TERB1: variants seen among roughly 807,000 people sequenced by gnomAD.
TERB1 encodes telomere repeat binding bouquet formation protein 1.
A neutral mutation model predicts 92.3 loss-of-function variants in TERB1; 63 were observed. The ratio of observed to expected loss-of-function variants is 0.68; its 90% confidence interval spans 0.56 to 0.84. The LOEUF is 0.84. Among genes scored for constraint, TERB1 ranks in the 40% least tolerant of loss-of-function variants. The pLI is 0.00. For missense variants in TERB1, 709 were observed against 843.7 expected, an observed-to-expected ratio of 0.84 and a Z score of 1.98; for synonymous variants, 252 against 283.9, an observed-to-expected ratio of 0.89 and a Z score of 1.13.
intron 3 of TERB1, 22 bp downstream of exon 3, chr16:66,796,746 A>T: frequency 6.6e-7 from 1 of 1,505,208 alleles, no homozygotes; most frequent in Non-Finnish European, 9.0e-7. Flanking sequence ...CATTGCAGAT[A>T]TATGATCCAT....
intron 18 of TERB1, 37 bp downstream of exon 18, chr16:66,758,736 G>T: frequency 7.6e-7 from 1 of 1,309,648 alleles, no homozygotes. Context: ...GCCAGACCCT[G>T]TCTCAAGAAA....
At chr16:66,757,071 TA>T (rs993967383) in intron 18 of TERB1, among the ~76,000 whole-genome samples, 5 of 152,104 alleles carry the variant, frequency 3.3e-5, no homozygotes, top group Middle Eastern at 3.4e-3. Context: ...GTGAGTATCC[TA>T]AAAAAAGGTT....
chr16:66,783,729 T>C (rs532712390), intron 9 of TERB1, among the ~76,000 whole-genome samples: 1 of 152,272 alleles, frequency 6.6e-6, no homozygotes, highest in East Asian at 1.9e-4. Flanking sequence ...TTGTTGTTGT[T>C]GTTGTTGTTG....
At chr16:66,764,844 G>T (rs937615885) in intron 16 of TERB1, among the ~76,000 whole-genome samples, 1 of 152,154 alleles carries the variant, frequency 6.6e-6, no homozygotes, top group Admixed American at 6.5e-5. Context: ...GTTGTGTTTA[G>T]GATACATTAA....
At chr16:66,784,084 C>G (rs1398419986) in intron 9 of TERB1, among the ~76,000 whole-genome samples, 2 of 152,160 alleles carry the variant, frequency 1.3e-5, no homozygotes, top group Non-Finnish European at 2.9e-5. Flanking sequence ...CTTTTAATAT[C>G]TGTTAAGATC....
intron 9 of TERB1, among the ~76,000 whole-genome samples, chr16:66,784,339 G>GT (rs531436529): frequency 1.2e-3 from 171 of 146,500 alleles, no homozygotes; most frequent in Middle Eastern, 7.1e-3. Context: ...GGTTTTTTGT[G>GT]TTTTTTTTTT....
intron 12 of TERB1, among the ~76,000 whole-genome samples, chr16:66,774,448 G>C (rs1200834084): frequency 1.3e-5 from 2 of 151,988 alleles, no homozygotes; most frequent in Non-Finnish European, 2.9e-5. Flanking sequence ...GCCTCCCAAA[G>C]TGCTGGGATT....
intron 14 of TERB1, 111 bp from the exon 15 acceptor site, chr16:66,768,279 C>T (rs2018384392): frequency 6.5e-6 from 5 of 767,968 alleles, no homozygotes; most frequent in Admixed American, 2.6e-5. Context: ...GCAAAAGCAA[C>T]CTGGAATCAC....
chr16:66,793,469 C>T (rs557304439), intron 3 of TERB1, among the ~76,000 whole-genome samples: 2 of 151,870 alleles, frequency 1.3e-5, no homozygotes, highest in South Asian at 2.1e-4. Flanking sequence ...CCACCTGCTT[C>T]GGCCTCCCAA....
chr16:66,774,247 G>A (rs1350550401), intron 12 of TERB1, among the ~76,000 whole-genome samples: 9 of 128,422 alleles, frequency 7.0e-5, no homozygotes, highest in East Asian at 2.5e-4. Flanking sequence ...GTGCAGTGGC[G>A]CAATCTCGGC....
At chr16:66,779,475 AT>A (rs1181999012) in intron 9 of TERB1, among the ~76,000 whole-genome samples, 2 of 151,988 alleles carry the variant, frequency 1.3e-5, no homozygotes, top group Non-Finnish European at 2.9e-5. Context: ...GTGCATGCCT[AT>A]AATCTCAGTT....
chr16:66,764,954 T>C (rs957406619), intron 16 of TERB1, among the ~76,000 whole-genome samples: 34 of 152,324 alleles, frequency 2.2e-4, no homozygotes, highest in African/African-American at 7.7e-4. Context: ...AAAGTCAAGA[T>C]ACATATTTGA....
intron 6 of TERB1, 88 bp from the exon 7 acceptor site, chr16:66,786,373 T>A: frequency 1.0e-6 from 1 of 956,618 alleles, no homozygotes; most frequent in Non-Finnish European, 1.6e-6. Context: ...TTTTAATAAA[T>A]AACTTTTAAA....
In TERB1 at chr16:66,788,851, C is replaced by T. The variant is rs188254476; in HGVS notation, c.272-554G>A. On this transcript the variant is annotated intron_variant, in intron 5 of 18. Coordinates refer to ENST00000433154, the MANE Select transcript of TERB1 (RefSeq NM_001136505.2). Reference sequence around the variant, plus strand: ...TCAACGTTTCATCCAGTTCCTAGAACCAGCCATTAGACCCTATCTCAAAGG... The same window carrying T: ...TCAACGTTTCATCCAGTTCCTAGAATCAGCCATTAGACCCTATCTCAAAGG... Among the ~76,000 whole-genome samples the T allele has an allele frequency of 4.0e-5, 6 of 151,746 alleles. No homozygotes were observed. In the East Asian group the frequency reaches 7.7e-4, roughly 20 times the overall value.
chr16:66,763,666 C>T (rs1232668488), intron 16 of TERB1, among the ~76,000 whole-genome samples: 1 of 152,116 alleles, frequency 6.6e-6, no homozygotes, highest in African/African-American at 2.4e-5. Context: ...CAGCAGCAAA[C>T]CACCATGGCA....
intron 14 of TERB1, among the ~76,000 whole-genome samples, chr16:66,769,406 G>GAAGAGCACA (rs1335502728): frequency 1.3e-5 from 2 of 152,092 alleles, no homozygotes; most frequent in African/African-American, 4.8e-5. Context: ...GTAACCAACA[G>GAAGAGCACA]AAGAGCACAA....
At chr16:66,771,766 T>A (rs1258528122) in intron 13 of TERB1, among the ~76,000 whole-genome samples, 1 of 152,174 alleles carries the variant, frequency 6.6e-6, no homozygotes, top group East Asian at 1.9e-4. Context: ...AAGGACTGGT[T>A]AAATCAATTA....
At chr16:66,800,392 G>GTTT (rs537071270) in intron 2 of TERB1, among the ~76,000 whole-genome samples, 33,176 of 92,384 alleles carry the variant, frequency 0.36, 5,867 homozygotes, top group East Asian at 0.55. Flanking sequence ...AATAAAGAAA[G>GTTT]TTTTTTTTTT....
intron 6 of TERB1, among the ~76,000 whole-genome samples, chr16:66,786,630 T>C (rs1041454659): frequency 5.9e-5 from 9 of 152,000 alleles, no homozygotes; most frequent in Non-Finnish European, 8.8e-5. Flanking sequence ...TCTAGAAACA[T>C]TTTTTTTAAG....
Sources: allele counts gnomAD v4.1 joint callset (sites outside exome capture counted in the v4.1 genomes callset), GRCh38; gene constraint gnomAD v4.1.1; transcripts MANE v1.5; gene names NCBI Gene and HGNC (gene_info 2026-07-23, HGNC 2026-07-21).